The following TM7SF3 variants were observed in gnomAD, a reference collection of about 807,000 sequenced individuals.
TM7SF3 encodes seven span transmembrane protein.
TM7SF3 carries 60 observed loss-of-function variants against 65.5 expected under a neutral mutation model. The observed-to-expected ratio is 0.92, with a 90% CI of 0.74 to 1.14. The LOEUF is 1.14. Ranked by LOEUF, TM7SF3 falls within the 50% of genes most tolerant of loss-of-function variation. The pLI is 0.00. For synonymous variants in TM7SF3, 264 were observed against 259.6 expected (o/e 1.02, Z -0.16); for missense variants, 623 against 684.8 (o/e 0.91, Z 1.01).
intron 5 of TM7SF3, 51 bp downstream of exon 5, chr12:26,995,186 C>A: frequency 6.4e-7 from 1 of 1,567,996 alleles, no homozygotes; most frequent in Admixed American, 1.9e-5. Context: ...CTTCTCAACT[C>A]TGACAAAGGT....
rs1940549477 is a variant in TM7SF3 at position 26,995,394 on chromosome 12, G to A, written c.533C>T (p.Pro178Leu). 2 of 1,614,030 alleles carry A rather than the reference G, an allele frequency of 1.2e-6. No individual in the cohort carries two copies. The highest frequency in any genetic ancestry group is 1.3e-5 in the African/African-American group (1 of 74,908). ...NLGYARGVDPPPCDAGTDQDS... is the reference protein window; with the variant it reads ...NLGYARGVDPLPCDAGTDQDS... The stretch of plus-strand genomic sequence containing the variant: ...CTGGTCTGTCCCAGCGTCACATGGT[G>A]GGGGATCTACGCCTCTAAAGTCAAC... Residue 178 changes from proline (P) to leucine (L), a missense_variant, in exon 5 of 12, where the codon CCA (proline) becomes CTA (leucine). By Grantham distance (98) the Pro-to-Leu change is moderately conservative. Coordinates refer to ENST00000343028, the MANE Select transcript of TM7SF3 (RefSeq NM_016551.3).
intron 1 of TM7SF3, among the ~76,000 whole-genome samples, chr12:27,008,215 G>A (rs932577487): frequency 3.3e-5 from 5 of 152,058 alleles, no homozygotes; most frequent in Non-Finnish European, 7.4e-5. Context: ...CCAACACCTG[G>A]TATCATTCAT....
Position 26,995,272 on chromosome 12 carries a change from C to A in TM7SF3, c.655G>T (p.Val219Phe). ...CTGGCCTTCACCTGGGGCACACTGA[C>A]CATCCTCTGCAGATGCTTCAGCAAC... is the stretch of plus-strand genomic sequence containing the variant. The part of the protein sequence containing the change: ...EMLLKHLQRM[V>F]SVPQVKASAL... Residue 219 changes from valine to phenylalanine, a missense_variant, in exon 5 of 12, where the codon GTC becomes TTC. Val to Phe is a conservative substitution (Grantham distance 50). Transcript: ENST00000343028. 3.1e-6 allele frequency: 5 copies of A among 1,614,192 alleles called. No homozygotes were observed. Among genetic ancestry groups the A allele is most frequent in the Non-Finnish European group, 4.2e-6 (5 of 1,180,038 alleles).
chr12:27,005,204 A>G (rs1250244258), intron 1 of TM7SF3, among the ~76,000 whole-genome samples: 1 of 152,196 alleles, frequency 6.6e-6, no homozygotes, highest in Non-Finnish European at 1.5e-5. Context: ...CCGTATTGGC[A>G]GTATCAGTCT....
intron 3 of TM7SF3, among the ~76,000 whole-genome samples, chr12:26,999,078 G>A (rs762538865): frequency 6.6e-6 from 1 of 152,128 alleles, no homozygotes; most frequent in African/African-American, 2.4e-5. Flanking sequence ...TTCAGTCATC[G>A]TGCTAATTCT....
In TM7SF3 at chr12:26,974,152, C is replaced by A; in HGVS notation, c.1526G>T (p.Arg509Leu). The change falls in exon 12 of 12, where the codon CGA becomes CTA. Residue 509 changes from arginine to leucine, a missense_variant. Transcript: ENST00000343028. ...ITLQIRRERG[R>L]PFFPPHPYKL... ...GTATGGGTGGGGAGGGAAGAACGGTCGTCCTCTCTCTCTTCGAATCTGTAA... is the reference window on the plus strand; with the variant it reads ...GTATGGGTGGGGAGGGAAGAACGGTAGTCCTCTCTCTCTTCGAATCTGTAA... 3.7e-6 allele frequency: 6 copies of A among 1,614,160 alleles called. No homozygotes were observed. The highest frequency in any genetic ancestry group is 5.1e-6 in the Non-Finnish European group (6 of 1,180,010).
intron 6 of TM7SF3, among the ~76,000 whole-genome samples, chr12:26,983,238 A>AGGGGGGGGGGGGG (rs1555215657): frequency 7.1e-5 from 1 of 14,092 alleles, no homozygotes; most frequent in Non-Finnish European, 1.3e-4. Flanking sequence ...AGTGGGGGGG[A>AGGGGGGGGGGGGG]GGTGGTGGGG....
chr12:26,998,353 T>C (rs561646830), intron 3 of TM7SF3, among the ~76,000 whole-genome samples: 5 of 152,308 alleles, frequency 3.3e-5, no homozygotes, highest in Admixed American at 3.3e-4. Context: ...AGCTATTTAG[T>C]TGGGAATCTA....
chr12:27,000,650 G>A (rs1220328462), intron 2 of TM7SF3, among the ~76,000 whole-genome samples: 6 of 152,144 alleles, frequency 3.9e-5, no homozygotes, highest in South Asian at 2.1e-4. Context: ...TAGTAGAGAC[G>A]AGGTTTCACC....
Position 27,014,264 on chromosome 12 carries a change from G to A in TM7SF3, c.-96C>T. 4 of 1,171,478 alleles carry A rather than the reference G, an allele frequency of 3.4e-6. No homozygotes were observed. The highest frequency in any genetic ancestry group is 4.6e-6 in the Non-Finnish European group (4 of 873,662). The allele number at this position is 1,171,478 out of a possible 1,614,324, so 72.6% of individuals were successfully genotyped here. A position where few individuals can be genotyped will look rare whatever the true frequency, so the allele number is the denominator to read the frequency against. On this transcript the variant is annotated 5_prime_UTR_variant, in exon 1 of 12. Transcript: ENST00000343028. ...AGCCTCGCCCACGCTATCCCGGGGC[G>A]CCCGCATCGGGCGCCATCGCCCGCC...
chr12:26,994,196 G>T (rs1486552896), intron 5 of TM7SF3, among the ~76,000 whole-genome samples: 1 of 152,092 alleles, frequency 6.6e-6, no homozygotes, highest in East Asian at 1.9e-4. Flanking sequence ...TACTAACAGA[G>T]CTTCTTATTT....
intron 5 of TM7SF3, among the ~76,000 whole-genome samples, chr12:26,990,944 G>A (rs1443400015): frequency 6.6e-6 from 1 of 152,084 alleles, no homozygotes; most frequent in Non-Finnish European, 1.5e-5. Context: ...AAACAAGGAT[G>A]GGAACTGTAT....
rs191258161 is a variant in TM7SF3 at position 26,985,968 on chromosome 12, C to T, written c.869-3109G>A. On this transcript the variant is annotated intron_variant, in intron 6 of 11. Transcript: ENST00000343028. ...CCTAGTAGCTGGGACTACAGGCGCC[C>T]ACCACCATGCCCGGCTAATGTTTTG... Among the ~76,000 whole-genome samples the T allele has an allele frequency of 3.6e-3, 542 of 150,096 alleles. 1 individual carries two copies. The highest frequency in any genetic ancestry group is 0.013 in the African/African-American group (522 of 40,872).
chr12:26,980,207 C>G (rs773878173), intron 8 of TM7SF3: 31 of 565,562 alleles, frequency 5.5e-5, no homozygotes, highest in Non-Finnish European at 6.9e-5. Context: ...GAAAAGTTGA[C>G]AAGCATTCTG....
At chr12:26,993,731 C>G (rs1940474089) in intron 5 of TM7SF3, among the ~76,000 whole-genome samples, 1 of 152,224 alleles carries the variant, frequency 6.6e-6, no homozygotes, top group South Asian at 2.1e-4. Context: ...AAATGGTGAT[C>G]ATCTAATTCT....
At chr12:26,992,460 ATT>A (rs1940411201) in intron 5 of TM7SF3, among the ~76,000 whole-genome samples, 1 of 151,968 alleles carries the variant, frequency 6.6e-6, no homozygotes, top group Non-Finnish European at 1.5e-5. Flanking sequence ...AATTTTTTGT[ATT>A]TTTAGTAGAG....
At chr12:26,989,963 C>T (rs939796876) in intron 6 of TM7SF3, among the ~76,000 whole-genome samples, 5 of 152,162 alleles carry the variant, frequency 3.3e-5, no homozygotes, top group Admixed American at 2.6e-4. Flanking sequence ...CTCACCTCAC[C>T]TCTACTTCCT....
At chr12:26,980,832 A>C (rs546562576) in intron 7 of TM7SF3, among the ~76,000 whole-genome samples, 186 bp from the exon 8 acceptor site, 49 of 152,318 alleles carry the variant, frequency 3.2e-4, no homozygotes, top group African/African-American at 1.1e-3. Context: ...CAGCCATGGG[A>C]GTAATTATTA....
At chr12:27,002,806 G>A (rs952657215) in intron 2 of TM7SF3, among the ~76,000 whole-genome samples, 1 of 152,178 alleles carries the variant, frequency 6.6e-6, no homozygotes, top group African/African-American at 2.4e-5. Context: ...GCGTGACAGA[G>A]TCCAAAGAAT....
Sources: gnomAD v4.1 joint callset for allele counts (sites outside exome capture counted in the v4.1 genomes callset) on GRCh38, gnomAD v4.1.1 for gene constraint, MANE v1.5 for transcripts, NCBI Gene and HGNC (gene_info 2026-07-23, HGNC 2026-07-21) for gene names.